CENPK: variants seen among roughly 807,000 people sequenced by gnomAD.
The protein encoded by CENPK is SoxLZ/Sox6-binding protein Solt.
Under a neutral mutation model 40.9 loss-of-function variants are expected in CENPK, and 46 were observed. The observed-to-expected ratio is 1.13, with a 90% CI of 0.89 to 1.44. The LOEUF (loss-of-function observed/expected upper bound fraction) is 1.44. Ranked by LOEUF, CENPK falls within the 40% of genes most tolerant of loss-of-function variation. CENPK has a pLI of 0.00. For missense variants in CENPK, 288 were observed against 303.5 expected (o/e 0.95, Z 0.38); for synonymous variants, 107 against 104.4 (o/e 1.02, Z -0.15).
At chr5:65,562,084 A>G (rs1752071876) in intron 1 of CENPK, among the ~76,000 whole-genome samples, 1 of 152,208 alleles carries the variant, frequency 6.6e-6, no homozygotes. Context: ...AGGATAGGGA[A>G]GCTTAGAAAA....
At chr5:65,532,929 A>T (rs932114915) in intron 6 of CENPK, among the ~76,000 whole-genome samples, 2 of 150,496 alleles carry the variant, frequency 1.3e-5, no homozygotes, top group African/African-American at 4.9e-5. Context: ...AAAAAAAAAA[A>T]AAAAAAATCA....
At chr5:65,553,212 T>A (rs1750394729) in intron 3 of CENPK, among the ~76,000 whole-genome samples, 1 of 152,166 alleles carries the variant, frequency 6.6e-6, no homozygotes, top group South Asian at 2.1e-4. Context: ...AAAACCTCAC[T>A]AATTTGACCA....
At chr5:65,540,677 G>A (rs909536960) in intron 6 of CENPK, among the ~76,000 whole-genome samples, 3 of 152,140 alleles carry the variant, frequency 2.0e-5, no homozygotes, top group African/African-American at 7.2e-5. Flanking sequence ...CTGGGTTTGG[G>A]GAGCTTCTAG....
At chr5:65,531,196 T>G (rs1745744128) in intron 6 of CENPK, among the ~76,000 whole-genome samples, 1 of 141,262 alleles carries the variant, frequency 7.1e-6, no homozygotes, top group Non-Finnish European at 1.6e-5. Context: ...ATCAATAACA[T>G]AGCTTTCAAT....
chr5:65,507,958 T>C, the CENPK span, among the ~76,000 whole-genome samples: 42 of 152,358 alleles, frequency 2.8e-4, no homozygotes, highest in Non-Finnish European at 4.6e-4. Flanking sequence ...CATTTTCTCA[T>C]GATTAGAATG....
chr5:65,534,940 G>A (rs1746602814), intron 6 of CENPK, among the ~76,000 whole-genome samples: 3 of 152,090 alleles, frequency 2.0e-5, no homozygotes, highest in African/African-American at 7.2e-5. Context: ...AAAAGAAGTC[G>A]GGCACCATGG....
intron 6 of CENPK, among the ~76,000 whole-genome samples, chr5:65,534,043 G>A (rs1256073804): frequency 4.4e-4 from 35 of 78,992 alleles, no homozygotes; most frequent in Admixed American, 1.4e-3. Context: ...GCGAGACACC[G>A]TCTCAACAAA....
chr5:65,500,800 C>T, the CENPK span, among the ~76,000 whole-genome samples: 1 of 151,972 alleles, frequency 6.6e-6, no homozygotes, highest in Non-Finnish European at 1.5e-5. Context: ...GTAGCTGGGA[C>T]TACAGGTACA....
At chr5:65,530,204 T>C (rs1204610445) in intron 6 of CENPK, among the ~76,000 whole-genome samples, 2 of 152,130 alleles carry the variant, frequency 1.3e-5, no homozygotes, top group Non-Finnish European at 2.9e-5. Context: ...TGATCAATCA[T>C]TGACTATTAG....
chr5:65,508,996 CTA>C, the CENPK span, among the ~76,000 whole-genome samples: 2 of 152,066 alleles, frequency 1.3e-5, no homozygotes, highest in South Asian at 2.1e-4. Flanking sequence ...CTGGGAGAAA[CTA>C]TTTGTAAACA....
intron 6 of CENPK, among the ~76,000 whole-genome samples, chr5:65,534,541 C>T (rs1244819335): frequency 2.6e-5 from 4 of 152,044 alleles, no homozygotes; most frequent in Admixed American, 2.6e-4. Context: ...ATATCCAAAG[C>T]ACAGAATAGA....
At chr5:65,507,641 T>C in the CENPK span, among the ~76,000 whole-genome samples, 97 of 152,306 alleles carry the variant, frequency 6.4e-4, 1 homozygote, top group African/African-American at 2.3e-3. Flanking sequence ...GAGTCAGTTA[T>C]CATGATACAA....
intron 6 of CENPK, among the ~76,000 whole-genome samples, chr5:65,531,408 T>C (rs1202378854): frequency 1.3e-5 from 2 of 150,818 alleles, no homozygotes; most frequent in African/African-American, 4.9e-5. Flanking sequence ...AATTTGTCTT[T>C]TTTTTTTTTT....
rs542463893 is a variant in CENPK at position 65,518,602 on chromosome 5, T to C, written c.683A>G (p.His228Arg). ...ATCACTAATTTTGACATATGGATCA[T>C]GTGGAACATCAAATAATCTATTTAT... ...ILINRLFDVP[H>R]DPYVKISDSF... is the part of the protein sequence containing the mutation. The change falls in exon 11 of 11, where the codon CAT becomes CGT. Residue 228 changes from histidine to arginine, a missense_variant. By Grantham distance (29) the His-to-Arg change is conservative. Transcript: ENST00000396679. 1.3e-5 allele frequency: 21 copies of C among 1,592,032 alleles called. No individual in the cohort carries two copies. The Admixed American group carries it at 2.6e-4, about 19-fold the overall frequency.
intron 5 of CENPK, among the ~76,000 whole-genome samples, chr5:65,550,283 T>A (rs879757971): frequency 1.3e-5 from 2 of 152,174 alleles, no homozygotes; most frequent in African/African-American, 2.4e-5. Flanking sequence ...GCCTTCCTCA[T>A]GAAACTTAAT....
At chr5:65,512,936 T>C (rs927462191), downstream of CENPK, among the ~76,000 whole-genome samples, 1 of 152,216 alleles carries the variant, frequency 6.6e-6, no homozygotes, top group African/African-American at 2.4e-5. Flanking sequence ...ACATACGATG[T>C]TGAACAACTT....
At position 65,545,795 on chromosome 5, in the gene CENPK, G is replaced by A. The variant is rs144124462; in HGVS notation, c.242-2947C>T. ...AAGCCTTTGAGGAGAATCTATCATT[G>A]CAGCCATGAAATCCCTAAGCAGACG... On this transcript the variant is annotated intron_variant, in intron 5 of 10. Transcript: ENST00000396679. Among the ~76,000 whole-genome samples the A allele has an allele frequency of 2.2e-3, 335 of 152,284 alleles. 3 individuals are homozygous for A. Among genetic ancestry groups the A allele is most frequent in the Admixed American group, 3.7e-3 (56 of 15,290 alleles).
chr5:65,529,484 T>C lies in CENPK; in HGVS notation c.289-285A>G, dbSNP rs1040079777. 3 of 205,474 alleles carry C rather than the reference T, an allele frequency of 1.5e-5. No homozygotes were observed. In the East Asian group the frequency reaches 4.0e-4, roughly 27 times the overall value. 12.7% of individuals were successfully genotyped at this position (205,474 alleles called of 1,614,324 possible). ...TTCAGTAATAAGAGAGTAGGTACCT[T>C]TTCTTTCTTTCTTTTTTTTTTTTGA... On this transcript the variant is annotated intron_variant, in intron 6 of 10. Coordinates refer to ENST00000396679, the MANE Select transcript of CENPK (RefSeq NM_022145.5).
intron 6 of CENPK, among the ~76,000 whole-genome samples, chr5:65,537,576 A>T (rs538680677): frequency 6.6e-6 from 1 of 152,346 alleles, no homozygotes; most frequent in African/African-American, 2.4e-5. Flanking sequence ...CTAGAATTAC[A>T]GGTGTGAGCC....
Sources: gnomAD v4.1 joint callset for allele counts (sites outside exome capture counted in the v4.1 genomes callset) on GRCh38, gnomAD v4.1.1 for gene constraint, MANE v1.5 for transcripts, NCBI Gene and HGNC (gene_info 2026-07-23, HGNC 2026-07-21) for gene names.